EVI5: variants seen among roughly 807,000 people sequenced by gnomAD.
EVI5 encodes ecotropic viral integration site 5 protein homolog.
Under a neutral mutation model 112.0 loss-of-function variants are expected in EVI5, and 73 were observed. The observed-to-expected ratio is 0.65, with a 90% CI of 0.54 to 0.79. The LOEUF (loss-of-function observed/expected upper bound fraction) is 0.79, where lower values mean the gene tolerates loss of function less well. Among genes scored for constraint, EVI5 ranks in the 30% least tolerant of loss-of-function variants. The pLI is 0.00. For missense variants in EVI5, 900 were observed against 968.8 expected, an observed-to-expected ratio of 0.93 and a Z score of 0.94; for synonymous variants, 305 against 319.9, an observed-to-expected ratio of 0.95 and a Z score of 0.50.
intron 14 of EVI5, among the ~76,000 whole-genome samples, chr1:92,629,666 CTTTTT>C (rs766422695): frequency 3.3e-5 from 5 of 149,816 alleles, no homozygotes; most frequent in Non-Finnish European, 7.4e-5. Context: ...CTTTTTTTTT[CTTTTT>C]TTCTTTTATT....
chr1:92,565,948 C>CAAAAAAAAAAAAAAAAAAAAAAAAAAA lies in EVI5; in HGVS notation c.2071-2212_2071-2211insTTTTTTTTTTTTTTTTTTTTTTTTTTT, dbSNP rs71586755. On this transcript the variant is annotated intron_variant, in intron 18 of 19. Transcript: ENST00000684568. ...TTGCGCCACTGCATTCCAGCCCGAG[C>CAAAAAAAAAAAAAAAAAAAAAAAAAAA]AAAAAAAAAAAAAAAAAAAAGAAAT... is the stretch of plus-strand genomic sequence containing the variant. Among the ~76,000 whole-genome samples the CAAAAAAAAAAAAAAAAAAAAAAAAAAA allele has an allele frequency of 2.9e-4, 15 of 51,868 alleles. 3 individuals carry two copies. The highest frequency in any genetic ancestry group is 1.2e-3 in the African/African-American group (12 of 10,134). The allele number at this position is 51,868 out of a possible 152,430, so 34.0% of individuals were successfully genotyped here. A position where few individuals can be genotyped will look rare whatever the true frequency, so the allele number is the denominator to read the frequency against.
Position 92,513,510 on chromosome 1 carries a change from A to AATATATATATAT in EVI5, c.*134_*145dup, listed in dbSNP as rs200063630. The AATATATATATAT allele has an allele frequency of 5.8e-6, 1 of 171,996 alleles. No individual in the cohort carries two copies. Among genetic ancestry groups the AATATATATATAT allele is most frequent in the Non-Finnish European group, 1.1e-5 (1 of 90,318 alleles). The allele number at this position is 171,996 out of a possible 1,614,324, so 10.7% of individuals were successfully genotyped here. On this transcript the variant is annotated 3_prime_UTR_variant, in exon 20 of 20. Transcript: ENST00000684568. The stretch of plus-strand genomic sequence containing the variant: ...GATAAAAAGGCAGATAAGACTGTAA[A>AATATATATATAT]ATATATATATATATATATATATATA...
intron 13 of EVI5, among the ~76,000 whole-genome samples, chr1:92,661,487 A>G (rs185890269): frequency 3.3e-5 from 5 of 152,262 alleles, no homozygotes; most frequent in Non-Finnish European, 5.9e-5. Flanking sequence ...AAATGCAAAC[A>G]ATACTTATTG....
intron 3 of EVI5, 105 bp from the exon 4 acceptor site, chr1:92,703,724 A>G (rs1558109739): frequency 2.9e-6 from 2 of 692,582 alleles, no homozygotes; most frequent in South Asian, 1.9e-5. Context: ...ACATCATTAA[A>G]TTTGTAACTC....
chr1:92,651,850 C>CAAAAA (rs35991116), intron 13 of EVI5, among the ~76,000 whole-genome samples: 1 of 90,662 alleles, frequency 1.1e-5, no homozygotes, highest in African/African-American at 5.8e-5. Context: ...GACTCCGTCT[C>CAAAAA]AAAAAAAAAA....
intron 1 of EVI5, among the ~76,000 whole-genome samples, chr1:92,768,709 T>C (rs1272117746): frequency 6.6e-6 from 1 of 152,042 alleles, no homozygotes; most frequent in African/African-American, 2.4e-5. Flanking sequence ...GCCCCATCTC[T>C]ACAAAAAATA....
In EVI5 at chr1:92,513,716, G is replaced by T. The variant is rs1417288333; in HGVS notation, c.2421C>A (p.Asn807Lys). The T allele has an allele frequency of 6.2e-7, 1 of 1,612,518 alleles. No homozygotes were observed. The highest frequency in any genetic ancestry group is 1.7e-5 in the Admixed American group (1 of 59,842). ...EDSVLETRES[N>K]QVVQKERPPR... The stretch of plus-strand genomic sequence containing the variant: ...GGGGCCGCTCCTTTTGAACCACTTG[G>T]TTGCTCTCTCTGGTCTCCAGCACAC... The change falls in exon 20 of 20, where the codon AAC becomes AAA. Residue 807 changes from asparagine (N) to lysine (K), a missense_variant. Transcript: ENST00000684568.
intron 18 of EVI5, among the ~76,000 whole-genome samples, chr1:92,568,680 C>T (rs1669867193): frequency 6.6e-6 from 1 of 152,168 alleles, no homozygotes; most frequent in Non-Finnish European, 1.5e-5. Flanking sequence ...CTCTGCCACC[C>T]TGAGACAGCA....
At chr1:92,593,877 C>T (rs1240914402) in intron 18 of EVI5, among the ~76,000 whole-genome samples, 1 of 152,136 alleles carries the variant, frequency 6.6e-6, no homozygotes, top group African/African-American at 2.4e-5. Flanking sequence ...TGTGAAGGAC[C>T]TCTTCAAGGA....
chr1:92,704,117 C>A (rs901939603), intron 3 of EVI5, among the ~76,000 whole-genome samples: 3 of 151,770 alleles, frequency 2.0e-5, no homozygotes, highest in African/African-American at 7.3e-5. Context: ...TGAGACCAGC[C>A]TGGGCAACAA....
intron 2 of EVI5, among the ~76,000 whole-genome samples, chr1:92,734,960 T>G (rs1677094739): frequency 6.6e-6 from 1 of 152,224 alleles, no homozygotes; most frequent in Non-Finnish European, 1.5e-5. Flanking sequence ...TGGCTTAAAC[T>G]AAAAAGACTG....
chr1:92,617,510 C>A (rs1468577556), intron 16 of EVI5, among the ~76,000 whole-genome samples: 4 of 152,208 alleles, frequency 2.6e-5, no homozygotes, highest in Non-Finnish European at 5.9e-5. Flanking sequence ...GTTCTGAGGA[C>A]ACCACTCAGC....
Position 92,784,899 on chromosome 1 carries a change from G to A in EVI5, c.-145C>T. On this transcript the variant is annotated 5_prime_UTR_variant, in exon 1 of 20. Transcript: ENST00000684568. ...TTCCCATCCAGCCGGCAGCCGCGCC[G>A]CCGCGTCTCAGCGCCTCGGCCCCGC... 3 of 986,108 alleles carry A rather than the reference G, an allele frequency of 3.0e-6. No homozygotes were observed. The highest frequency in any genetic ancestry group is 3.6e-6 in the Non-Finnish European group (3 of 830,644). The allele number at this position is 986,108 out of a possible 1,614,324, so 61.1% of individuals were successfully genotyped here.
chr1:92,787,501 G>A (rs989915576), upstream of EVI5, among the ~76,000 whole-genome samples: 2 of 152,170 alleles, frequency 1.3e-5, no homozygotes, highest in Non-Finnish European at 2.9e-5. Context: ...GAAGGCTGAG[G>A]CCGGCGGATC....
chr1:92,739,472 G>A (rs961147641), intron 1 of EVI5, among the ~76,000 whole-genome samples: 2 of 152,028 alleles, frequency 1.3e-5, no homozygotes, highest in African/African-American at 2.4e-5. Flanking sequence ...AATGGGTACA[G>A]GATTTCTTTA....
chr1:92,657,040 C>T (rs748523373), intron 13 of EVI5, among the ~76,000 whole-genome samples: 28 of 151,978 alleles, frequency 1.8e-4, no homozygotes, highest in African/African-American at 3.4e-4. Context: ...TCTATGAAGC[C>T]GGCATCACCG....
intron 9 of EVI5, among the ~76,000 whole-genome samples, 179 bp from the exon 10 acceptor site, chr1:92,677,397 A>G (rs992680661): frequency 1.3e-5 from 2 of 152,144 alleles, no homozygotes; most frequent in African/African-American, 4.8e-5. Flanking sequence ...CTTATTAAAA[A>G]CTCACTTTAC....
rs115663833 is a variant in EVI5, at chr1:92,568,532, C to A, written c.2071-4795G>T. On this transcript the variant is annotated intron_variant, in intron 18 of 19. Coordinates refer to ENST00000684568, the MANE Select transcript of EVI5 (RefSeq NM_001350197.2). Reference sequence around the variant, plus strand: ...GATTAAGCCCTAACGTCTAAAGCATCATTGTATGTGTATGATTTCATGCCT... The same window carrying A: ...GATTAAGCCCTAACGTCTAAAGCATAATTGTATGTGTATGATTTCATGCCT... 4.4e-3 allele frequency among the ~76,000 whole-genome samples: 666 copies of A among 152,262 alleles called. 2 individuals are homozygous for A. The highest frequency in any genetic ancestry group is 0.016 in the African/African-American group (645 of 41,550).
intron 1 of EVI5, among the ~76,000 whole-genome samples, chr1:92,774,386 A>G (rs1683845403): frequency 6.6e-6 from 1 of 152,226 alleles, no homozygotes; most frequent in African/African-American, 2.4e-5. Context: ...TAAAGTCACT[A>G]GCATAATTTA....
Sources: gnomAD v4.1 joint callset for allele counts (sites outside exome capture counted in the v4.1 genomes callset) on GRCh38, gnomAD v4.1.1 for gene constraint, MANE v1.5 for transcripts, NCBI Gene and HGNC (gene_info 2026-07-23, HGNC 2026-07-21) for gene names.